Variants in PHTF1 observed in about 807,000 individuals in gnomAD.
PHTF1 encodes the protein protein PHTF1.
Under a neutral mutation model 102.4 loss-of-function variants are expected in PHTF1, and 88 were observed. The ratio of observed to expected loss-of-function variants is 0.86; its 90% CI spans 0.72 to 1.03. The LOEUF (loss-of-function observed/expected upper bound fraction) is 1.03, where lower values mean the gene tolerates loss of function less well. Ranked by LOEUF, PHTF1 falls within the 50% of genes least tolerant of loss-of-function variation. PHTF1 has a pLI of 0.00. For synonymous variants in PHTF1, 289 were observed against 305.2 expected, an observed-to-expected ratio of 0.95 and a Z score of 0.55; for missense variants, 814 against 909.5, an observed-to-expected ratio of 0.89 and a Z score of 1.35.
intron 7 of PHTF1, chr1:113,713,721 C>T (rs1651529535): frequency 3.2e-6 from 1 of 311,410 alleles, no homozygotes; most frequent in African/African-American, 2.2e-5. Flanking sequence ...CTCTCCACAT[C>T]TTCTCAGACA....
intron 1 of PHTF1, 134 bp downstream of exon 1, chr1:113,758,889 C>A: frequency 7.9e-7 from 1 of 1,271,234 alleles, no homozygotes; most frequent in Non-Finnish European, 1.0e-6. Flanking sequence ...CAAAAAAAAA[C>A]TGGCGCAGCG....
rs1651099814 is a variant in PHTF1, at chr1:113,711,621, T to A, written c.1047+125A>T. The stretch of plus-strand genomic sequence containing the variant: ...AGCTGCTAGATAAGGAGATGGGTAA[T>A]TGGAGACAGGGAAGGGCTGGCAAAT... On this transcript the variant is annotated intron_variant, in intron 10 of 18. Transcript: ENST00000369604. 7 of 667,174 alleles carry A rather than the reference T, an allele frequency of 1.0e-5. No individual in the cohort carries two copies. The South Asian group carries it at 1.3e-4, about 12-fold the overall frequency. The allele number at this position is 667,174 out of a possible 1,614,324, so 41.3% of individuals were successfully genotyped here.
In PHTF1 at chr1:113,724,867, T is replaced by A. The variant is rs774950930; in HGVS notation, c.515A>T (p.Asp172Val). Residue 172 changes from aspartate to valine, a missense_variant, in exon 7 of 19, where the codon GAT becomes GTT. Asp to Val is a radical substitution (Grantham distance 152). Coordinates refer to ENST00000369604, the MANE Select transcript of PHTF1 (RefSeq NM_001323043.2). ...RRKLRKTVNG[D>V]GSRENGNNSS... ...GTTATTTCCATTTTCTCGGCTCCCA[T>A]CACCATTTACAGTTTTTCGTAATTT... The A allele has an allele frequency of 1.2e-6, 2 of 1,604,912 alleles. No homozygotes were observed. The highest frequency in any genetic ancestry group is 1.7e-6 in the Non-Finnish European group (2 of 1,175,852).
chr1:113,712,850 G>T (rs1227834242), intron 8 of PHTF1, among the ~76,000 whole-genome samples: 2 of 149,446 alleles, frequency 1.3e-5, no homozygotes, highest in African/African-American at 5.0e-5. Context: ...GCAGTGGCGC[G>T]ATCTCGGCTC....
In PHTF1 at chr1:113,724,836, A is replaced by T; in HGVS notation, c.546T>A (p.Ser182=). Residue 182 remains serine, a synonymous_variant, in exon 7 of 19, where the codon TCT becomes TCA. Transcript: ENST00000369604. ...AAGTTTCTATTCCTCTGACTTTATC[A>T]GAGGAGTTATTTCCATTTTCTCGGC... ...DGSRENGNNS[S]DKVRGIETLE... is the part of the protein sequence containing the mutation. The T allele has an allele frequency of 6.2e-7, 1 of 1,610,870 alleles. No homozygotes were observed.
At chr1:113,704,938 A>C in intron 13 of PHTF1, 141 bp from the exon 14 acceptor site, 1 of 618,962 alleles carries the variant, frequency 1.6e-6, no homozygotes, top group Non-Finnish European at 2.8e-6. Context: ...GGGCAGTGAA[A>C]ATTTTCATTA....
chr1:113,750,091 C>CTCA (rs1657817958), intron 3 of PHTF1, among the ~76,000 whole-genome samples: 1 of 152,040 alleles, frequency 6.6e-6, no homozygotes, highest in Non-Finnish European at 1.5e-5. Context: ...AACTCCTGGG[C>CTCA]TCAGGCGATC....
At position 113,724,780 on chromosome 1, in the gene PHTF1, CA is replaced by C. The variant is rs1156707888; in HGVS notation, c.601del (p.Trp201GlyfsTer12). On this transcript the variant is annotated frameshift_variant, in exon 7 of 19. Coordinates refer to ENST00000369604, the MANE Select transcript of PHTF1 (RefSeq NM_001323043.2). LOFTEE classifies it high-confidence loss of function. ...LESVPIIGGF[W>X]ETIFGNRIKR... ...CCACCTGTTGCCAAAGATAGTCTCC[CA>C]AAAACCACCAATAATGGGTACAGAT... The C allele has an allele frequency of 2.5e-6, 4 of 1,601,742 alleles. No homozygotes were observed. Among genetic ancestry groups the C allele is most frequent in the East Asian group, 2.2e-5 (1 of 44,740 alleles).
intron 5 of PHTF1, among the ~76,000 whole-genome samples, chr1:113,732,684 T>C (rs1654845652): frequency 6.6e-6 from 1 of 152,068 alleles, no homozygotes; most frequent in Admixed American, 6.6e-5. Context: ...CCAAAACTGA[T>C]GGTACAGAAT....
chr1:113,719,152 C>T (rs761067783), intron 7 of PHTF1, among the ~76,000 whole-genome samples: 1 of 152,090 alleles, frequency 6.6e-6, no homozygotes, highest in African/African-American at 2.4e-5. Flanking sequence ...AAGTACCCAC[C>T]ATCATGCCTG....
At chr1:113,714,225 C>G (rs1288756613) in intron 7 of PHTF1, 1 of 152,272 alleles carries the variant, frequency 6.6e-6, no homozygotes, top group Non-Finnish European at 1.5e-5. Context: ...CAGGGAGAGA[C>G]TCTTTCTGCT....
At chr1:113,751,146 A>C (rs1261679101) in intron 3 of PHTF1, among the ~76,000 whole-genome samples, 1 of 152,296 alleles carries the variant, frequency 6.6e-6, no homozygotes, top group South Asian at 2.1e-4. Context: ...TTTAATTGTG[A>C]ATATGTATAC....
intron 3 of PHTF1, chr1:113,749,391 A>C (rs980197450): frequency 2.0e-5 from 3 of 152,182 alleles, no homozygotes; most frequent in Non-Finnish European, 4.4e-5. Context: ...CAGTATCCTT[A>C]GGTTCTCTTT....
chr1:113,732,445 G>A (rs1193277866), intron 5 of PHTF1, among the ~76,000 whole-genome samples: 3 of 151,508 alleles, frequency 2.0e-5, no homozygotes, highest in Admixed American at 6.6e-5. Flanking sequence ...GCAGTGAGCC[G>A]AGATCACACC....
At chr1:113,710,810 A>T (rs867786106) in intron 10 of PHTF1, among the ~76,000 whole-genome samples, 147 of 122,686 alleles carry the variant, frequency 1.2e-3, no homozygotes, top group Non-Finnish European at 1.5e-3. Context: ...ATATATATAT[A>T]TTTTTTTTTT....
In PHTF1 at chr1:113,758,006, C is replaced by T. The variant is rs561924386; in HGVS notation, c.46-251G>A. On this transcript the variant is annotated intron_variant, in intron 2 of 18. Coordinates refer to ENST00000369604, the MANE Select transcript of PHTF1 (RefSeq NM_001323043.2). ...ATTAATATTACCTTAAAAGATATTT[C>T]CACTTCTTGGGCGGGCATGGTGGCT... Among the ~76,000 whole-genome samples, 4 of 152,210 alleles carry T rather than the reference C, an allele frequency of 2.6e-5. No homozygotes were observed. In the East Asian group the frequency reaches 7.7e-4, roughly 29 times the overall value.
chr1:113,702,518 G>A (rs536382667), intron 15 of PHTF1, among the ~76,000 whole-genome samples: 8 of 151,970 alleles, frequency 5.3e-5, no homozygotes, highest in Non-Finnish European at 7.4e-5. Flanking sequence ...CTTGGAGGCC[G>A]AAGCAGGAGG....
At chr1:113,711,616 G>A in intron 10 of PHTF1, 130 bp downstream of exon 10, 1 of 649,780 alleles carries the variant, frequency 1.5e-6, no homozygotes, top group South Asian at 1.9e-5. Flanking sequence ...TAAGGAGATG[G>A]GTAATTGGAG....
intron 3 of PHTF1, among the ~76,000 whole-genome samples, chr1:113,743,588 T>C (rs941220781): frequency 6.6e-6 from 1 of 152,248 alleles, no homozygotes; most frequent in Non-Finnish European, 1.5e-5. Context: ...ATACCGTACA[T>C]AACTGTATGC....
Sources: allele counts gnomAD v4.1 joint callset (sites outside exome capture counted in the v4.1 genomes callset), GRCh38; gene constraint gnomAD v4.1.1; transcripts MANE v1.5; gene names NCBI Gene and HGNC (gene_info 2026-07-23, HGNC 2026-07-21).